SCN7A: variants seen among roughly 807,000 people sequenced by gnomAD.
SCN7A encodes the protein sodium voltage-gated channel alpha subunit 7.
A neutral mutation model predicts 155.2 loss-of-function variants in SCN7A; 138 were observed. The ratio of observed to expected loss-of-function variants is 0.89; its 90% confidence interval spans 0.77 to 1.02. The LOEUF (loss-of-function observed/expected upper bound fraction) is 1.02, where lower values mean the gene tolerates loss of function less well. Ranked by LOEUF, SCN7A falls within the 50% of genes least tolerant of loss-of-function variation. The pLI is 0.00. For missense variants in SCN7A, 2,058 were observed against 1,986.6 expected (o/e 1.04, Z -0.68); for synonymous variants, 693 against 649.0 (o/e 1.07, Z -1.03).
intron 11 of SCN7A, among the ~76,000 whole-genome samples, chr2:166,449,804 A>G (rs568666923): frequency 1.3e-5 from 2 of 152,292 alleles, no homozygotes; most frequent in East Asian, 3.9e-4. Context: ...AACAAAAACA[A>G]AAACAAAAAC....
chr2:166,407,852 C>T (rs1701108754), intron 25 of SCN7A, among the ~76,000 whole-genome samples: 1 of 151,936 alleles, frequency 6.6e-6, no homozygotes, highest in East Asian at 1.9e-4. Flanking sequence ...ATCGACCTGT[C>T]CTCTAAGTTC....
chr2:166,426,512 A>G (rs1014204048), intron 18 of SCN7A, among the ~76,000 whole-genome samples: 2 of 152,106 alleles, frequency 1.3e-5, no homozygotes, highest in African/African-American at 4.8e-5. Flanking sequence ...GTACCAGTCA[A>G]CTAGTAAGAA....
At chr2:166,439,909 A>G (rs1331650759) in intron 15 of SCN7A, among the ~76,000 whole-genome samples, 4 of 152,186 alleles carry the variant, frequency 2.6e-5, no homozygotes, top group Non-Finnish European at 5.9e-5. Context: ...GACAGGTAAA[A>G]TTGAGTCTAA....
intron 18 of SCN7A, among the ~76,000 whole-genome samples, chr2:166,427,459 T>G (rs543995929): frequency 6.6e-6 from 1 of 152,180 alleles, no homozygotes; most frequent in Admixed American, 6.6e-5. Flanking sequence ...ATCATTAAAA[T>G]GTTTCATACA....
At chr2:166,470,974 T>C (rs566031741) in intron 6 of SCN7A, among the ~76,000 whole-genome samples, 7 of 152,014 alleles carry the variant, frequency 4.6e-5, no homozygotes, top group Middle Eastern at 3.4e-3. Flanking sequence ...AAATATTCTA[T>C]ACTATGTTCA....
chr2:166,409,910 T>A lies in SCN7A; in HGVS notation c.3737A>T (p.Asp1246Val). 2 of 1,568,724 alleles carry A rather than the reference T, an allele frequency of 1.3e-6. No homozygotes were observed. Among genetic ancestry groups the A allele is most frequent in the South Asian group, 1.2e-5 (1 of 84,920 alleles). The change falls in exon 25 of 26, where the codon GAT becomes GTT. Residue 1246 changes from aspartate to valine, a missense_variant. By Grantham distance (152) the Asp-to-Val change is radical. Coordinates refer to ENST00000643258, the MANE Select transcript of SCN7A (RefSeq NM_002976.4). ...PLNKLQGFIF[D>V]VVTSQAFNVI... is the part of the protein sequence containing the mutation. ...ATTAAAAGCTTGGCTTGTTACCACATCAAAGATGAATCCTTGGAGCTTGTT... is the reference window on the plus strand; with the variant it reads ...ATTAAAAGCTTGGCTTGTTACCACAACAAAGATGAATCCTTGGAGCTTGTT...
chr2:166,466,011 C>A (rs749629944), intron 7 of SCN7A, 24 bp from the exon 8 acceptor site: 1 of 1,556,650 alleles, frequency 6.4e-7, no homozygotes, highest in Non-Finnish European at 8.8e-7. Context: ...CATTTGTTTT[C>A]GAAATAATGT....
At chr2:166,443,417 TA>T in intron 14 of SCN7A, 85 bp downstream of exon 14, 1 of 1,077,334 alleles carries the variant, frequency 9.3e-7, no homozygotes, top group Admixed American at 3.0e-5. Flanking sequence ...CCCAATGGGA[TA>T]GGTATTACTG....
At chr2:166,453,871 A>T (rs1226057864) in intron 11 of SCN7A, among the ~76,000 whole-genome samples, 1 of 152,080 alleles carries the variant, frequency 6.6e-6, no homozygotes, top group African/African-American at 2.4e-5. Flanking sequence ...ATTTTTTCTA[A>T]TTTTTTGTAT....
intron 24 of SCN7A, 102 bp from the exon 25 acceptor site, chr2:166,410,037 A>G (rs1701165648): frequency 1.1e-5 from 14 of 1,269,032 alleles, no homozygotes; most frequent in Admixed American, 5.8e-5. Flanking sequence ...ATAAATGAGA[A>G]TAAGTGTGAA....
chr2:166,467,485 TTA>T (rs150038538), intron 7 of SCN7A, among the ~76,000 whole-genome samples: 13 of 144,384 alleles, frequency 9.0e-5, no homozygotes, highest in African/African-American at 2.0e-4. Context: ...TTATATATGT[TTA>T]TATATATATA....
intron 10 of SCN7A, among the ~76,000 whole-genome samples, chr2:166,459,408 G>T (rs560231339): frequency 6.6e-6 from 1 of 152,102 alleles, no homozygotes; most frequent in Admixed American, 6.5e-5. Context: ...CACATCCCAG[G>T]TTCCCAATAA....
chr2:166,410,723 A>G (rs906882694), intron 23 of SCN7A, among the ~76,000 whole-genome samples: 4 of 152,024 alleles, frequency 2.6e-5, no homozygotes, highest in Admixed American at 6.6e-5. Flanking sequence ...AGAAATGATC[A>G]TATGTGATCA....
At chr2:166,488,631 T>C (rs1460545011) in intron 1 of SCN7A, among the ~76,000 whole-genome samples, 6 of 138,212 alleles carry the variant, frequency 4.3e-5, no homozygotes, top group Non-Finnish European at 9.2e-5. Context: ...GTCAACAGTT[T>C]CTTTTTTTTT....
At chr2:166,463,054 G>C (rs1702449321) in intron 9 of SCN7A, among the ~76,000 whole-genome samples, 1 of 152,096 alleles carries the variant, frequency 6.6e-6, no homozygotes, top group Admixed American at 6.5e-5. Context: ...ATAACTGATG[G>C]AAAATAGTAC....
chr2:166,486,673 GC>G (rs1439679035), intron 2 of SCN7A, among the ~76,000 whole-genome samples, 182 bp downstream of exon 2: 1 of 152,204 alleles, frequency 6.6e-6, no homozygotes, highest in Admixed American at 6.5e-5. Context: ...TTGTGCTGCA[GC>G]CTTTGAGATG....
intron 12 of SCN7A, among the ~76,000 whole-genome samples, chr2:166,446,583 C>A (rs1418410209): frequency 6.6e-6 from 1 of 152,128 alleles, no homozygotes; most frequent in Non-Finnish European, 1.5e-5. Context: ...ATGTTCATTG[C>A]AGCGCTATTC....
At chr2:166,454,409 C>G (rs1702234966) in intron 11 of SCN7A, among the ~76,000 whole-genome samples, 1 of 152,170 alleles carries the variant, frequency 6.6e-6, no homozygotes, top group African/African-American at 2.4e-5. Context: ...ACACAAGTAG[C>G]TATAGAGTCA....
intron 2 of SCN7A, among the ~76,000 whole-genome samples, chr2:166,485,577 G>A (rs1703028971): frequency 6.6e-6 from 1 of 152,146 alleles, no homozygotes; most frequent in African/African-American, 2.4e-5. Context: ...CTGCCTCACT[G>A]AGAAATGTGA....
Sources: gnomAD v4.1 joint callset for allele counts (sites outside exome capture counted in the v4.1 genomes callset) on GRCh38, gnomAD v4.1.1 for gene constraint, MANE v1.5 for transcripts, NCBI Gene and HGNC (gene_info 2026-07-23, HGNC 2026-07-21) for gene names.